Variants in CUBN observed in about 807,000 individuals in gnomAD.
CUBN encodes the protein cubilin.
Under a neutral mutation model 405.3 loss-of-function variants are expected in CUBN, and 282 were observed. The ratio of observed to expected loss-of-function variants is 0.70; its 90% CI spans 0.63 to 0.77. The LOEUF is 0.77. Among genes scored for constraint, CUBN ranks in the 30% least tolerant of loss-of-function variants. The pLI is 0.00. For synonymous variants in CUBN, 1,684 were observed against 1,617.0 expected (o/e 1.04, Z -0.99); for missense variants, 4,514 against 4,475.2 (o/e 1.01, Z -0.25).
intron 3 of CUBN, among the ~76,000 whole-genome samples, chr10:17,127,186 CTCTCTT>C (rs1266305591): frequency 6.8e-6 from 1 of 146,750 alleles, no homozygotes. Flanking sequence ...CTTTCTCTCT[CTCTCTT>C]TCTTTCACTC....
chr10:16,880,477 T>C (rs1435823134), intron 56 of CUBN, among the ~76,000 whole-genome samples: 1 of 152,226 alleles, frequency 6.6e-6, no homozygotes, highest in Non-Finnish European at 1.5e-5. Flanking sequence ...AAAGAAGTTG[T>C]GCAGCAATCA....
rs1471886525 is a variant in CUBN, at chr10:16,972,833, T to C, written c.4695+9651A>G. Reference sequence around the variant, plus strand: ...ATTCTAGTGACTGCCACCGTGACAGTTCTCCACGTGTCCCTGCGCTCTCCA... The same window carrying C: ...ATTCTAGTGACTGCCACCGTGACAGCTCTCCACGTGTCCCTGCGCTCTCCA... On this transcript the variant is annotated intron_variant, in intron 31 of 66. Coordinates refer to ENST00000377833, the MANE Select transcript of CUBN (RefSeq NM_001081.4). Among the ~76,000 whole-genome samples, 7 of 152,082 alleles carry C rather than the reference T, an allele frequency of 4.6e-5. No individual in the cohort carries two copies. The East Asian group carries it at 1.2e-3, about 25-fold the overall frequency.
intron 46 of CUBN, 141 bp downstream of exon 46, chr10:16,915,680 A>G (rs969902634): frequency 4.6e-5 from 35 of 755,416 alleles, no homozygotes; most frequent in Admixed American, 8.2e-5. Flanking sequence ...AATCACCAGT[A>G]CTGCCCAAAG....
At chr10:16,997,393 C>A (rs965426523) in intron 28 of CUBN, among the ~76,000 whole-genome samples, 1 of 150,586 alleles carries the variant, frequency 6.6e-6, no homozygotes, top group South Asian at 2.1e-4. Context: ...TGAGATCACA[C>A]CACTGCACTC....
rs1429021730 is a variant in CUBN at position 16,829,084 on chromosome 10, A to C, written c.10529-44T>G. 12 of 1,470,884 alleles carry C rather than the reference A, an allele frequency of 8.2e-6. No individual in the cohort carries two copies. The African/African-American group carries it at 1.5e-4, about 19-fold the overall frequency. The allele number at this position is 1,470,884 out of a possible 1,614,324, so 91.1% of individuals were successfully genotyped here. On this transcript the variant is annotated intron_variant, in intron 65 of 66. Coordinates refer to ENST00000377833, the MANE Select transcript of CUBN (RefSeq NM_001081.4). ...AGGAAGTTTGATTCAACAGCATATA[A>C]GCCGTCCAGTCTGGCTTGTTAGGCA...
chr10:17,117,488 C>T (rs1343915559), intron 6 of CUBN, among the ~76,000 whole-genome samples: 3 of 152,204 alleles, frequency 2.0e-5, no homozygotes, highest in Non-Finnish European at 2.9e-5. Context: ...AATTCTCCTG[C>T]TTCAGCCTCC....
At chr10:16,923,469 G>T (rs189821265) in intron 43 of CUBN, among the ~76,000 whole-genome samples, 1 of 152,156 alleles carries the variant, frequency 6.6e-6, no homozygotes, top group African/African-American at 2.4e-5. Flanking sequence ...CCAGATAGAC[G>T]TGGGAAGTAG....
Position 17,100,133 on chromosome 10 carries a change from C to T in CUBN, c.1637G>A (p.Gly546Glu), listed in dbSNP as rs1290542700. The T allele has an allele frequency of 3.1e-6, 5 of 1,613,840 alleles. No individual in the cohort carries two copies. Among genetic ancestry groups the T allele is most frequent in the Non-Finnish European group, 4.2e-6 (5 of 1,179,834 alleles). ...DGDSSSAFQLGRFCGSSLPHE... is the reference protein window; with the variant it reads ...DGDSSSAFQLERFCGSSLPHE... Reference sequence around the variant, plus strand: ...AGGGAGGCTGGAGCCACAAAATCTTCCAAGTTGAAAAGCAGAAGAGGAATC... The same window carrying T: ...AGGGAGGCTGGAGCCACAAAATCTTTCAAGTTGAAAAGCAGAAGAGGAATC... Residue 546 changes from glycine to glutamate, a missense_variant, in exon 14 of 67, where the codon GGA becomes GAA. Gly to Glu is a moderately conservative substitution (Grantham distance 98, BLOSUM62 -2). Transcript: ENST00000377833.
chr10:16,828,654 GTTGCAGTGAGTTGAGA>G (rs1339840220), intron 66 of CUBN, 135 bp downstream of exon 66: 2 of 673,964 alleles, frequency 3.0e-6, no homozygotes, highest in Non-Finnish European at 5.3e-6. Context: ...GGAGGCGGAG[GTTGCAGTGAGTTGAGA>G]TTGCGCGCAC....
chr10:17,069,760 T>C (rs1835696451), intron 19 of CUBN, among the ~76,000 whole-genome samples: 1 of 152,192 alleles, frequency 6.6e-6, no homozygotes, highest in Non-Finnish European at 1.5e-5. Flanking sequence ...CCCAGGCTGG[T>C]CTCGAACTCC....
chr10:16,961,906 G>A (rs1843235683), intron 31 of CUBN, among the ~76,000 whole-genome samples: 1 of 151,930 alleles, frequency 6.6e-6, no homozygotes, highest in Non-Finnish European at 1.5e-5. Flanking sequence ...TAGAGACAAG[G>A]TTTCACCGTG....
At chr10:16,831,766 A>C (rs751016229) in intron 64 of CUBN, among the ~76,000 whole-genome samples, 10 of 152,152 alleles carry the variant, frequency 6.6e-5, no homozygotes, top group Non-Finnish European at 1.5e-4. Flanking sequence ...TGAATTTTTA[A>C]AAGGTGGAGA....
intron 17 of CUBN, among the ~76,000 whole-genome samples, chr10:17,076,590 A>G (rs1462841591): frequency 6.6e-6 from 1 of 151,902 alleles, no homozygotes; most frequent in Non-Finnish European, 1.5e-5. Flanking sequence ...TTGACTATCT[A>G]TGCTTTTTGC....
intron 63 of CUBN, among the ~76,000 whole-genome samples, chr10:16,835,506 G>GTGGC (rs1456497620): frequency 6.6e-6 from 1 of 152,082 alleles, no homozygotes; most frequent in African/African-American, 2.4e-5. Flanking sequence ...TGAGGTGGAA[G>GTGGC]TAGCATTCAG....
At chr10:17,112,767 C>T (rs963477604) in intron 8 of CUBN, among the ~76,000 whole-genome samples, 4 of 151,668 alleles carry the variant, frequency 2.6e-5, no homozygotes, top group African/African-American at 7.3e-5. Flanking sequence ...GGTTTCTTGG[C>T]GAGAAGAAAC....
At chr10:16,949,925 G>T (rs1204991084) in intron 34 of CUBN, 76 bp downstream of exon 34, 13 of 1,061,140 alleles carry the variant, frequency 1.2e-5, no homozygotes, top group Non-Finnish European at 7.2e-6. Flanking sequence ...ACCTAGAATG[G>T]CAGCCTATAA....
At position 17,045,153 on chromosome 10, in the gene CUBN, A is replaced by ACTACC; in HGVS notation, c.3525_3526insGGTAG (p.Phe1176GlyfsTer22). On this transcript the variant is annotated frameshift_variant, in exon 25 of 67. Coordinates refer to ENST00000377833, the MANE Select transcript of CUBN (RefSeq NM_001081.4). LOFTEE classifies it high-confidence loss of function. Reference sequence around the variant, plus strand: ...GGCATCGGGTAGTTGGGAGATATGAACGTGCCGCTTGAAGTGGTGAGATTA... The same window carrying ACTACC: ...GGCATCGGGTAGTTGGGAGATATGAACTACCCGTGCCGCTTGAAGTGGTGAGATTA... The ACTACC allele has an allele frequency of 6.2e-7, 1 of 1,613,850 alleles. No individual in the cohort carries two copies. Among genetic ancestry groups the ACTACC allele is most frequent in the Non-Finnish European group, 8.5e-7 (1 of 1,179,922 alleles).
At chr10:17,103,289 G>A (rs962860312) in intron 12 of CUBN, 52 bp from the exon 13 acceptor site, 4 of 1,127,046 alleles carry the variant, frequency 3.5e-6, no homozygotes, top group Non-Finnish European at 4.1e-6. Context: ...AAAGGAAGAG[G>A]TTGGGCAACT....
At chr10:17,031,544 A>ACCT (rs1298774353) in intron 27 of CUBN, among the ~76,000 whole-genome samples, 4 of 152,232 alleles carry the variant, frequency 2.6e-5, no homozygotes, top group Non-Finnish European at 5.9e-5. Flanking sequence ...TGAAGCAGGT[A>ACCT]CAGAGACTAC....
Sources: allele counts gnomAD v4.1 joint callset (sites outside exome capture counted in the v4.1 genomes callset), GRCh38; gene constraint gnomAD v4.1.1; transcripts MANE v1.5; gene names NCBI Gene and HGNC (gene_info 2026-07-23, HGNC 2026-07-21).